GSE1: variants seen among roughly 807,000 people sequenced by gnomAD.
GSE1 encodes the protein genetic suppressor element 1.
GSE1 carries 32 observed loss-of-function variants against 112.6 expected under a neutral mutation model. The observed-to-expected ratio is 0.28, with a 90% CI of 0.21 to 0.38. The LOEUF (loss-of-function observed/expected upper bound fraction) is 0.38. Ranked by LOEUF, GSE1 falls within the 10% of genes least tolerant of loss-of-function variation. GSE1 has a pLI of 1.00. For synonymous variants in GSE1, 1,115 were observed against 735.6 expected, an observed-to-expected ratio of 1.52 and a Z score of -8.35; for missense variants, 2,348 against 1,699.2, an observed-to-expected ratio of 1.38 and a Z score of -6.71.
intron 1 of GSE1, among the ~76,000 whole-genome samples, chr16:85,272,715 C>G (rs907303987): frequency 6.6e-6 from 1 of 151,544 alleles, no homozygotes; most frequent in Admixed American, 6.6e-5. Flanking sequence ...GCTGTCCTTG[C>G]AAGGGGGCCC....
chr16:85,437,162 C>T (rs1567486114), intron 2 of GSE1, among the ~76,000 whole-genome samples: 2 of 152,090 alleles, frequency 1.3e-5, no homozygotes, highest in Non-Finnish European at 2.9e-5. Flanking sequence ...CACAGTCCCC[C>T]AACCCTCTGA....
chr16:85,222,806 C>CCCGCTGCTGACGGGCCT (rs2075416581), intron 1 of GSE1, among the ~76,000 whole-genome samples: 1 of 152,158 alleles, frequency 6.6e-6, no homozygotes, highest in Non-Finnish European at 1.5e-5. Flanking sequence ...TCACTGGTCT[C>CCCGCTGCTGACGGGCCT]CCGCTGCTGA....
intron 2 of GSE1, among the ~76,000 whole-genome samples, chr16:85,389,385 G>A (rs1053289567): frequency 5.3e-5 from 8 of 151,700 alleles, no homozygotes; most frequent in Admixed American, 1.3e-4. Context: ...ACTTGAACCC[G>A]GGCGGGGGAG....
chr16:85,421,261 G>A (rs1393344127), intron 2 of GSE1, among the ~76,000 whole-genome samples: 1 of 112,578 alleles, frequency 8.9e-6, no homozygotes, highest in East Asian at 1.9e-4. Flanking sequence ...TGGGGTCCCT[G>A]GGGGGGTCTC....
intron 2 of GSE1, among the ~76,000 whole-genome samples, chr16:85,644,341 C>T (rs1419084618): frequency 8.0e-5 from 9 of 112,912 alleles, no homozygotes; most frequent in African/African-American, 3.4e-4. Flanking sequence ...GAGATCCTGT[C>T]TCAAAAAAAA....
intron 1 of GSE1, among the ~76,000 whole-genome samples, chr16:85,190,004 CA>C (rs2074789143): frequency 6.6e-6 from 1 of 152,172 alleles, no homozygotes; most frequent in Non-Finnish European, 1.5e-5. Context: ...TAAGATGTAT[CA>C]TCTTTTGCAC....
intron 1 of GSE1, among the ~76,000 whole-genome samples, chr16:85,179,966 C>G (rs1417708328): frequency 6.6e-6 from 1 of 152,222 alleles, no homozygotes; most frequent in Non-Finnish European, 1.5e-5. Context: ...GAGCCCTCAG[C>G]TCCTGCACAG....
intron 1 of GSE1, among the ~76,000 whole-genome samples, chr16:85,328,984 A>C (rs1254636654): frequency 6.6e-6 from 1 of 152,164 alleles, no homozygotes; most frequent in Non-Finnish European, 1.5e-5. Context: ...CCAACCCTTC[A>C]TCAGGGCCCA....
chr16:85,561,984 G>C (rs970664215), intron 1 of GSE1, among the ~76,000 whole-genome samples: 1 of 152,216 alleles, frequency 6.6e-6, no homozygotes, highest in Non-Finnish European at 1.5e-5. Context: ...CGGGGACGGG[G>C]CACCCGCAGG....
intron 1 of GSE1, among the ~76,000 whole-genome samples, chr16:85,570,243 G>A (rs2045928343): frequency 6.6e-6 from 1 of 152,170 alleles, no homozygotes; most frequent in Non-Finnish European, 1.5e-5. Context: ...CAAGGACCTT[G>A]GTGCTGGAGG....
chr16:85,312,798 A>G (rs1413804654), intron 1 of GSE1, among the ~76,000 whole-genome samples: 1 of 151,558 alleles, frequency 6.6e-6, no homozygotes, highest in Non-Finnish European at 1.5e-5. Flanking sequence ...GCAGGGCAGG[A>G]GGAGGAGGAG....
At chr16:85,227,983 G>T (rs940153652) in intron 1 of GSE1, among the ~76,000 whole-genome samples, 7 of 152,232 alleles carry the variant, frequency 4.6e-5, no homozygotes, top group African/African-American at 1.7e-4. Context: ...ACCTCAGGAG[G>T]GGGTGTGGTG....
intron 3 of GSE1, among the ~76,000 whole-genome samples, chr16:85,652,350 C>A (rs1421494995): frequency 6.6e-6 from 1 of 152,240 alleles, no homozygotes; most frequent in South Asian, 2.1e-4. Flanking sequence ...GACCCCAAGG[C>A]CAGGCGCTGG....
chr16:85,282,998 C>G (rs1489567830), intron 1 of GSE1: 1 of 152,402 alleles, frequency 6.6e-6, no homozygotes, highest in East Asian at 1.9e-4. Context: ...GCAGGCTGGC[C>G]TGGGGTCGGG....
intron 2 of GSE1, among the ~76,000 whole-genome samples, chr16:85,488,513 C>G (rs1050302954): frequency 6.6e-6 from 1 of 151,946 alleles, no homozygotes; most frequent in African/African-American, 2.4e-5. Context: ...GTCCAAGCTC[C>G]CTGTTCCTGC....
At chr16:85,464,320 C>T (rs1323088208) in intron 2 of GSE1, among the ~76,000 whole-genome samples, 1 of 152,052 alleles carries the variant, frequency 6.6e-6, no homozygotes, top group African/African-American at 2.4e-5. Flanking sequence ...TAGGTGGTTT[C>T]CAGCGCTCTC....
At position 85,190,583 on chromosome 16, in the gene GSE1, T is replaced by C. The variant is rs560842834; in HGVS notation, c.2283+18776T>C. On this transcript the variant is annotated intron_variant, in intron 1 of 2. Coordinates refer to the GSE1 transcript ENST00000637419. ...TGAAGTTGAGTCTAACACTCTTCAC[T>C]TTAACAGGACTCCAAGGCCCAGGAA... is the stretch of plus-strand genomic sequence containing the variant. Among the ~76,000 whole-genome samples, 4 of 152,388 alleles carry C rather than the reference T, an allele frequency of 2.6e-5. No homozygotes were observed. The East Asian group carries it at 7.7e-4, about 29-fold the overall frequency.
chr16:85,664,241 TCCTG>T (rs2052656832), intron 11 of GSE1, among the ~76,000 whole-genome samples: 1 of 152,222 alleles, frequency 6.6e-6, no homozygotes, highest in Non-Finnish European at 1.5e-5. Flanking sequence ...ATGTTGACGT[TCCTG>T]GCCCTGCCCC....
chr16:85,439,557 CA>C (rs1166686802), intron 2 of GSE1, among the ~76,000 whole-genome samples: 9 of 152,062 alleles, frequency 5.9e-5, no homozygotes, highest in Non-Finnish European at 1.2e-4. Context: ...CACACACACA[CA>C]CCCCAGGCGT....
Sources: allele counts gnomAD v4.1 joint callset (sites outside exome capture counted in the v4.1 genomes callset), GRCh38; gene constraint gnomAD v4.1.1; transcripts MANE v1.5; gene names NCBI Gene and HGNC (gene_info 2026-07-23, HGNC 2026-07-21).